The following GFRA1 variants were observed in gnomAD, a reference collection of about 807,000 sequenced individuals.
The protein encoded by GFRA1 is GDNF family receptor alpha 1.
Under a neutral mutation model 51.6 loss-of-function variants are expected in GFRA1, and 16 were observed. The observed-to-expected ratio is 0.31, with a 90% CI of 0.21 to 0.47. GFRA1 has a LOEUF of 0.47. Ranked by LOEUF, GFRA1 falls within the 20% of genes least tolerant of loss-of-function variation. The probability of loss-of-function intolerance (pLI) is 1.00; values close to 1 mark genes in which losing one functional copy is unlikely to be tolerated. For synonymous variants in GFRA1, 270 were observed against 241.3 expected (o/e 1.12, Z -1.10); for missense variants, 530 against 594.3 (o/e 0.89, Z 1.13).
intron 4 of GFRA1, among the ~76,000 whole-genome samples, chr10:116,212,611 C>T (rs1965287175): frequency 6.6e-6 from 1 of 151,888 alleles, no homozygotes; most frequent in African/African-American, 2.4e-5. Context: ...AACTACCACC[C>T]CCACCAGAAA....
chr10:116,229,477 C>A (rs950729348), intron 4 of GFRA1, among the ~76,000 whole-genome samples: 4 of 152,282 alleles, frequency 2.6e-5, no homozygotes, highest in South Asian at 2.1e-4. Context: ...TGGGGCTCAA[C>A]CAATACCAAC....
chr10:116,170,081 C>A lies in GFRA1; in HGVS notation c.433+41550G>T, dbSNP rs187295123. ...TGGAAGCAGCTGAGCAAAGGAGCCA[C>A]CCCTGCTGCAAGTCCCACCAGAGGG... On this transcript the variant is annotated intron_variant, in intron 5 of 10. Transcript: ENST00000355422. Among the ~76,000 whole-genome samples the A allele has an allele frequency of 3.3e-5, 5 of 152,308 alleles. No individual in the cohort carries two copies. In the East Asian group the frequency reaches 9.7e-4, roughly 29 times the overall value.
intron 4 of GFRA1, among the ~76,000 whole-genome samples, chr10:116,266,908 G>A (rs138972684): frequency 0.019 from 2,829 of 152,240 alleles, 34 homozygotes; most frequent in Non-Finnish European, 0.025. Flanking sequence ...GGACTGTAAC[G>A]ATTAGAGATT....
At chr10:116,186,030 G>A (rs528057798) in intron 5 of GFRA1, among the ~76,000 whole-genome samples, 54 of 152,216 alleles carry the variant, frequency 3.5e-4, no homozygotes, top group African/African-American at 1.2e-3. Context: ...GGGGGTAGTA[G>A]GTGGGAGAGC....
At chr10:116,264,094 G>T (rs1398936499) in intron 4 of GFRA1, among the ~76,000 whole-genome samples, 1 of 152,120 alleles carries the variant, frequency 6.6e-6, no homozygotes, top group Non-Finnish European at 1.5e-5. Context: ...TGGAAATGCT[G>T]GTTTAGCGCT....
At chr10:116,198,652 A>T (rs1488764701) in intron 5 of GFRA1, among the ~76,000 whole-genome samples, 1 of 152,086 alleles carries the variant, frequency 6.6e-6, no homozygotes, top group African/African-American at 2.4e-5. Context: ...TGCCAAATGT[A>T]AACTGGTTTC....
At chr10:116,074,197 G>A (rs1955522012) in intron 9 of GFRA1, among the ~76,000 whole-genome samples, 1 of 152,142 alleles carries the variant, frequency 6.6e-6, no homozygotes, top group Non-Finnish European at 1.5e-5. Flanking sequence ...GAGAGGTGAT[G>A]ACTTGCTCAG....
intron 6 of GFRA1, among the ~76,000 whole-genome samples, chr10:116,107,949 G>A (rs1298054520): frequency 2.6e-5 from 4 of 151,956 alleles, no homozygotes; most frequent in African/African-American, 4.8e-5. Context: ...GTCCCCAAAC[G>A]ACAAGAGCTA....
chr10:116,135,629 T>C (rs1958291235), intron 5 of GFRA1, among the ~76,000 whole-genome samples: 1 of 152,178 alleles, frequency 6.6e-6, no homozygotes, highest in Non-Finnish European at 1.5e-5. Context: ...ATTATAATAT[T>C]AGACATAAAA....
At chr10:116,097,702 C>T (rs989897464) in intron 6 of GFRA1, among the ~76,000 whole-genome samples, 2 of 152,198 alleles carry the variant, frequency 1.3e-5, no homozygotes, top group Non-Finnish European at 2.9e-5. Flanking sequence ...ATGGACTTCA[C>T]AAGAATTTAA....
intron 5 of GFRA1, among the ~76,000 whole-genome samples, chr10:116,127,084 G>A (rs1037486306): frequency 8.7e-6 from 1 of 114,878 alleles, no homozygotes; most frequent in African/African-American, 3.4e-5. Context: ...TGGTTGCCAG[G>A]GGCTGGAGAA....
chr10:116,163,915 G>C (rs1960104226), intron 5 of GFRA1, among the ~76,000 whole-genome samples: 1 of 152,156 alleles, frequency 6.6e-6, no homozygotes, highest in South Asian at 2.1e-4. Context: ...GTTAGACATG[G>C]GATGCCACCA....
intron 9 of GFRA1, among the ~76,000 whole-genome samples, chr10:116,067,036 A>C (rs933767601): frequency 6.6e-6 from 1 of 152,250 alleles, no homozygotes; most frequent in African/African-American, 2.4e-5. Flanking sequence ...CCAGCTGTGA[A>C]TATGAAATAG....
chr10:116,263,990 G>C (rs1565689293), intron 4 of GFRA1, among the ~76,000 whole-genome samples: 2 of 152,094 alleles, frequency 1.3e-5, no homozygotes, highest in African/African-American at 2.4e-5. Flanking sequence ...AAGAGAGAGG[G>C]TAAGGAGCAA....
In GFRA1 at chr10:116,229,958, A is replaced by G. The variant is rs1966579432; in HGVS notation, c.419-18313T>C. Among the ~76,000 whole-genome samples, 3 of 152,146 alleles carry G rather than the reference A, an allele frequency of 2.0e-5. No homozygotes were observed. In the South Asian group the frequency reaches 6.2e-4, roughly 32 times the overall value. On this transcript the variant is annotated intron_variant, in intron 4 of 10. Coordinates refer to ENST00000355422, the MANE Select transcript of GFRA1 (RefSeq NM_005264.8). ...CACCCCTTGGGGAGCTTCCTTCTCC[A>G]TGGGTTTCCCTGGGTTGTTACCTGA...
At chr10:116,090,057 A>G in intron 8 of GFRA1, 135 bp from the exon 9 acceptor site, 1 of 824,156 alleles carries the variant, frequency 1.2e-6, no homozygotes, top group Non-Finnish European at 2.0e-6. Flanking sequence ...GCATCCATCC[A>G]TTTGCCCTAT....
chr10:116,260,613 A>T (rs571718941), intron 4 of GFRA1, among the ~76,000 whole-genome samples: 2 of 152,078 alleles, frequency 1.3e-5, no homozygotes, highest in East Asian at 3.9e-4. Context: ...AGCCCTGTCT[A>T]TGTAAATCCT....
intron 4 of GFRA1, chr10:116,226,791 G>A: frequency 2.4e-6 from 1 of 418,282 alleles, no homozygotes; most frequent in South Asian, 1.8e-5. Context: ...TGCAACTAGA[G>A]GGTCCTACCT....
intron 4 of GFRA1, among the ~76,000 whole-genome samples, chr10:116,239,668 T>C (rs571039749): frequency 3.9e-5 from 6 of 152,228 alleles, no homozygotes; most frequent in Non-Finnish European, 5.9e-5. Context: ...TTTTAAAAAG[T>C]AGTTTCCCAT....
Sources: allele counts gnomAD v4.1 joint callset (sites outside exome capture counted in the v4.1 genomes callset), GRCh38; gene constraint gnomAD v4.1.1; transcripts MANE v1.5; gene names NCBI Gene and HGNC (gene_info 2026-07-23, HGNC 2026-07-21).